Variants in USP28 observed in about 807,000 individuals in gnomAD.
USP28 encodes the protein ubiquitin carboxyl-terminal hydrolase 28.
In USP28, 113 loss-of-function variants were observed where a neutral mutation model predicts 145.0. The observed-to-expected ratio is 0.78, with a 90% confidence interval of 0.67 to 0.91. The LOEUF is 0.91. Among genes scored for constraint, USP28 ranks in the 40% least tolerant of loss-of-function variants. The probability of loss-of-function intolerance (pLI) is 0.00; values close to 1 mark genes in which losing one functional copy is unlikely to be tolerated. For missense variants in USP28, 1,201 were observed against 1,289.6 expected (o/e 0.93, Z 1.05); for synonymous variants, 447 against 450.9 (o/e 0.99, Z 0.11).
At chr11:113,870,295 G>A (rs1215462987) in intron 1 of USP28, among the ~76,000 whole-genome samples, 2 of 152,260 alleles carry the variant, frequency 1.3e-5, no homozygotes, top group Non-Finnish European at 2.9e-5. Flanking sequence ...GGGAGGCCAA[G>A]GCAGGAGGAC....
At position 113,813,851 on chromosome 11, in the gene USP28, G is replaced by T. The variant is rs764160704; in HGVS notation, c.1743+34C>A. The T allele has an allele frequency of 1.2e-5, 18 of 1,562,656 alleles. No individual in the cohort carries two copies. In the Admixed American group the frequency reaches 1.8e-4, roughly 16 times the overall value. ...ATTTTTGTATCTACCATTAGCACAT[G>T]CCTTGACTACTTTCCCATCAATTTT... On this transcript the variant is annotated intron_variant, in intron 15 of 24. Coordinates refer to ENST00000003302, the Ensembl canonical transcript of USP28.
intron 1 of USP28, among the ~76,000 whole-genome samples, chr11:113,864,927 T>A (rs183802383): frequency 4.6e-5 from 7 of 152,236 alleles, no homozygotes; most frequent in Admixed American, 4.6e-4. Context: ...ACCTCCACCC[T>A]GTAAGCTCAA....
At position 113,829,441 on chromosome 11, in the gene USP28, C is replaced by A. The variant is rs181021472; in HGVS notation, c.911-96G>T. ...AGAGACAACATTTTAAATTCAGCAA[C>A]TTCCTGATAGCTGGTTAGAAATGCA... On this transcript the variant is annotated intron_variant, in intron 9 of 24. Transcript: ENST00000003302. The A allele has an allele frequency of 4.9e-3, 7,272 of 1,470,030 alleles. 28 individuals carry two copies. The highest frequency in any genetic ancestry group is 0.015 in the Middle Eastern group (83 of 5,436). 91.1% of individuals were successfully genotyped at this position (1,470,030 alleles called of 1,614,324 possible).
intron 15 of USP28, chr11:113,813,605 G>A (rs1315546804): frequency 2.7e-6 from 1 of 367,818 alleles, no homozygotes. Flanking sequence ...CATTTTGTAA[G>A]TAATTTTTAT....
chr11:113,801,358 A>T, intron 24 of USP28, 125 bp downstream of exon 25: 1 of 677,330 alleles, frequency 1.5e-6, no homozygotes, highest in Non-Finnish European at 2.3e-6. Flanking sequence ...ATCCATTTTT[A>T]ATTTACTTAT....
At chr11:113,835,664 C>G (rs1944482664) in intron 5 of USP28, among the ~76,000 whole-genome samples, 1 of 152,238 alleles carries the variant, frequency 6.6e-6, no homozygotes, top group Non-Finnish European at 1.5e-5. Flanking sequence ...CATTCCTACT[C>G]TGCTGGCTAC....
chr11:113,872,079 T>C (rs1235922498), intron 1 of USP28, among the ~76,000 whole-genome samples: 1 of 152,206 alleles, frequency 6.6e-6, no homozygotes, highest in Non-Finnish European at 1.5e-5. Flanking sequence ...GTCTGGCACA[T>C]AGTGCATGCT....
At chr11:113,841,273 CA>C (rs933615556) in intron 4 of USP28, among the ~76,000 whole-genome samples, 2 of 151,984 alleles carry the variant, frequency 1.3e-5, no homozygotes, top group Non-Finnish European at 2.9e-5. Flanking sequence ...AGTACCAGTT[CA>C]AAAAAATAGA....
intron 12 of USP28, among the ~76,000 whole-genome samples, chr11:113,819,171 G>A (rs759177795): frequency 2.0e-5 from 3 of 150,966 alleles, no homozygotes; most frequent in Admixed American, 6.6e-5. Flanking sequence ...GGAGTGCAGC[G>A]GCACGATCTC....
chr11:113,818,947 T>C (rs761203695), intron 12 of USP28, among the ~76,000 whole-genome samples: 1 of 151,784 alleles, frequency 6.6e-6, no homozygotes, highest in Non-Finnish European at 1.5e-5. Flanking sequence ...AATTCCTTTA[T>C]ACAACTTTTA....
intron 7 of USP28, among the ~76,000 whole-genome samples, chr11:113,832,936 A>AT (rs1348279425): frequency 6.6e-6 from 1 of 152,094 alleles, no homozygotes; most frequent in Non-Finnish European, 1.5e-5. Context: ...ATGCCCGGCT[A>AT]TTTTTTAATA....
At chr11:113,853,982 G>A (rs1014727412) in intron 2 of USP28, among the ~76,000 whole-genome samples, 1 of 151,492 alleles carries the variant, frequency 6.6e-6, no homozygotes, top group Non-Finnish European at 1.5e-5. Flanking sequence ...ATATTATTTA[G>A]TTTGCTGGTT....
chr11:113,798,784 G>T (rs560373011), exon 25 of USP28: 1 of 152,656 alleles, frequency 6.6e-6, no homozygotes, highest in African/African-American at 2.4e-5. Flanking sequence ...GCCAGGCAAG[G>T]TTTATATTTC....
chr11:113,868,337 T>C (rs894646930), intron 1 of USP28, among the ~76,000 whole-genome samples: 9 of 152,236 alleles, frequency 5.9e-5, no homozygotes, highest in African/African-American at 4.8e-5. Flanking sequence ...TTACTTGCTG[T>C]GTCACTTTGC....
intron 3 of USP28, among the ~76,000 whole-genome samples, chr11:113,845,631 T>G (rs550200128): frequency 6.6e-6 from 1 of 152,080 alleles, no homozygotes; most frequent in African/African-American, 2.4e-5. Context: ...TAGAGGGCAG[T>G]AGGTACAATC....
intron 16 of USP28, among the ~76,000 whole-genome samples, chr11:113,811,013 A>G (rs1018630275): frequency 6.6e-6 from 1 of 152,204 alleles, no homozygotes; most frequent in Non-Finnish European, 1.5e-5. Context: ...AAGTTTGAAT[A>G]CTACAGGCAA....
intron 5 of USP28, among the ~76,000 whole-genome samples, chr11:113,836,740 T>C (rs1944608632): frequency 6.6e-6 from 1 of 152,094 alleles, no homozygotes; most frequent in Non-Finnish European, 1.5e-5. Flanking sequence ...TGCCCCTCCA[T>C]CCTCATCTCG....
chr11:113,871,158 G>A (rs192708581), intron 1 of USP28, among the ~76,000 whole-genome samples: 12 of 152,250 alleles, frequency 7.9e-5, no homozygotes, highest in Admixed American at 7.2e-4. Flanking sequence ...TTATCAACAC[G>A]AGGTCATTGA....
intron 13 of USP28, among the ~76,000 whole-genome samples, chr11:113,816,611 C>T (rs1378477161): frequency 6.6e-6 from 1 of 152,092 alleles, no homozygotes; most frequent in Non-Finnish European, 1.5e-5. Flanking sequence ...CCCTAAGGTC[C>T]ATACTTATGG....
Sources: gnomAD v4.1 joint callset for allele counts (sites outside exome capture counted in the v4.1 genomes callset) on GRCh38, gnomAD v4.1.1 for gene constraint, MANE v1.5 for transcripts, NCBI Gene and HGNC (gene_info 2026-07-23, HGNC 2026-07-21) for gene names.